The following DOP1A variants were observed in gnomAD, a reference collection of about 807,000 sequenced individuals.
The protein encoded by DOP1A is protein DOP1A.
In DOP1A, 90 loss-of-function variants were observed where a neutral mutation model predicts 267.6. The observed-to-expected ratio is 0.34, with a 90% confidence interval of 0.28 to 0.40. The LOEUF (loss-of-function observed/expected upper bound fraction) is 0.40. Ranked by LOEUF, DOP1A falls within the 10% of genes least tolerant of loss-of-function variation. DOP1A has a pLI of 1.00. For synonymous variants in DOP1A, 932 were observed against 999.1 expected (o/e 0.93, Z 1.27); for missense variants, 2,437 against 2,900.4 (o/e 0.84, Z 3.67).
chr6:83,169,103 A>G, downstream of DOP1A: 1 of 1,457,860 alleles, frequency 6.9e-7, no homozygotes. Context: ...TAAGAAAAAC[A>G]GATCTAGAGA....
intron 24 of DOP1A, among the ~76,000 whole-genome samples, chr6:83,143,459 C>G (rs1348131790): frequency 6.6e-6 from 1 of 152,116 alleles, no homozygotes; most frequent in Non-Finnish European, 1.5e-5. Flanking sequence ...CATAAAGTCT[C>G]TAATGTGATA....
At chr6:83,071,147 T>C (rs974844574) in intron 1 of DOP1A, among the ~76,000 whole-genome samples, 2 of 152,188 alleles carry the variant, frequency 1.3e-5, no homozygotes. Context: ...GGTGTTAACA[T>C]CTTGGCACCA....
intron 26 of DOP1A, among the ~76,000 whole-genome samples, chr6:83,147,934 C>T (rs1171823523): frequency 6.6e-6 from 1 of 152,078 alleles, no homozygotes. Flanking sequence ...GTTCAGTTGA[C>T]AGCCCTCCAT....
chr6:83,132,351 C>T (rs780230475), intron 18 of DOP1A, 23 bp downstream of exon 18: 17 of 1,579,886 alleles, frequency 1.1e-5, no homozygotes, highest in Non-Finnish European at 1.5e-5. Flanking sequence ...ATCTTGTGCA[C>T]ACCGCCCCCT....
At chr6:83,126,631 G>C (rs1010360345) in intron 15 of DOP1A, among the ~76,000 whole-genome samples, 1 of 152,098 alleles carries the variant, frequency 6.6e-6, no homozygotes, top group Admixed American at 6.6e-5. Context: ...CCTGACCTAC[G>C]CTGGGGCTAA....
chr6:83,104,867 G>T (rs904224780), intron 4 of DOP1A, among the ~76,000 whole-genome samples: 2 of 151,758 alleles, frequency 1.3e-5, no homozygotes, highest in African/African-American at 2.4e-5. Context: ...CTTATCAGGA[G>T]TTTATCAATT....
At chr6:83,132,519 AC>A (rs1454595563) in intron 18 of DOP1A, among the ~76,000 whole-genome samples, 191 bp downstream of exon 18, 1 of 152,158 alleles carries the variant, frequency 6.6e-6, no homozygotes, top group East Asian at 1.9e-4. Context: ...AAAGTTCTTT[AC>A]AAAAGCATCA....
chr6:83,159,715 T>C, intron 36 of DOP1A, 81 bp from the exon 37 acceptor site: 1 of 1,478,866 alleles, frequency 6.8e-7, no homozygotes, highest in Non-Finnish European at 9.4e-7. Flanking sequence ...TGAAAAATAT[T>C]AGCTGGTACT....
chr6:83,155,227 C>T (rs1459504205), intron 33 of DOP1A, among the ~76,000 whole-genome samples: 1 of 146,680 alleles, frequency 6.8e-6, no homozygotes, highest in African/African-American at 2.5e-5. Flanking sequence ...TTTGACAGGC[C>T]AAGGCACTAG....
At position 83,140,368 on chromosome 6, in the gene DOP1A, G is replaced by T; in HGVS notation, c.5380G>T (p.Ala1794Ser). ...AGAAAAGATGACTATTGCCGCATCC[G>T]CATCTCTTACCACTATTAATCTTGG... ...SSEKMTIAAS[A>S]SLTTINLGAT... Residue 1794 changes from alanine to serine, a missense_variant, in exon 23 of 39, where the codon GCA becomes TCA. Around this residue, in one of 9 missense-constraint regions of DOP1A, gnomAD observed 307 missense variants for 308.6 expected, o/e 0.99. Coordinates refer to ENST00000349129, the MANE Select transcript of DOP1A (RefSeq NM_015018.4). The T allele has an allele frequency of 3.1e-6, 5 of 1,611,484 alleles. No individual in the cohort carries two copies. Among genetic ancestry groups the T allele is most frequent in the Non-Finnish European group, 4.2e-6 (5 of 1,179,412 alleles).
At chr6:83,157,381 T>C in intron 35 of DOP1A, 63 bp downstream of exon 35, 1 of 1,531,308 alleles carries the variant, frequency 6.5e-7, no homozygotes, top group East Asian at 2.3e-5. Flanking sequence ...TTAGTTTCCA[T>C]GTGCTTACTA....
At position 83,135,632 on chromosome 6, in the gene DOP1A, A is replaced by G. The variant is rs1205498874; in HGVS notation, c.2884A>G (p.Met962Val). ...VRSFDRSLFI[M>V]LDSLNSLDGS... ...TGTTTATTTTAGGTCACTGTTCATC[A>G]TGTTAGATAGCCTTAACAGTCTCGA... Residue 962 changes from methionine (M) to valine (V), a missense_variant, in exon 20 of 39, where the codon ATG becomes GTG. Around this residue, in one of 9 missense-constraint regions of DOP1A, gnomAD observed 878 missense variants for 992.9 expected, o/e 0.88. Coordinates refer to ENST00000349129, the MANE Select transcript of DOP1A (RefSeq NM_015018.4). 1 of 1,613,102 alleles carries G rather than the reference A, an allele frequency of 6.2e-7. No homozygotes were observed. Among genetic ancestry groups the G allele is most frequent in the Admixed American group, 1.7e-5 (1 of 59,966 alleles).
intron 24 of DOP1A, among the ~76,000 whole-genome samples, chr6:83,144,302 A>G (rs1780120726): frequency 1.3e-5 from 2 of 152,276 alleles, no homozygotes; most frequent in South Asian, 4.1e-4. Flanking sequence ...CTGTGTAGCA[A>G]ACCTAGAGAG....
chr6:83,088,419 CTTTTT>C (rs746293399), intron 1 of DOP1A, among the ~76,000 whole-genome samples: 3 of 115,582 alleles, frequency 2.6e-5, no homozygotes, highest in African/African-American at 7.0e-5. Context: ...TGTCTTCCAT[CTTTTT>C]TTTTTTTTTT....
At chr6:83,148,209 C>G (rs1780925137) in intron 26 of DOP1A, among the ~76,000 whole-genome samples, 1 of 151,854 alleles carries the variant, frequency 6.6e-6, no homozygotes. Context: ...CTCAGGAGAT[C>G]AAGACCATAC....
chr6:83,098,855 C>A (rs1174861277), intron 3 of DOP1A, among the ~76,000 whole-genome samples: 1 of 152,120 alleles, frequency 6.6e-6, no homozygotes, highest in African/African-American at 2.4e-5. Context: ...TACTAACAGA[C>A]TAAGTGGGGG....
chr6:83,144,173 G>A (rs777351575), intron 24 of DOP1A, among the ~76,000 whole-genome samples: 2 of 152,112 alleles, frequency 1.3e-5, no homozygotes, highest in Admixed American at 6.6e-5. Context: ...TAACTCCACC[G>A]GAGGAGGAAT....
chr6:83,093,821 G>C (rs771794165), intron 1 of DOP1A, among the ~76,000 whole-genome samples: 26 of 152,310 alleles, frequency 1.7e-4, no homozygotes, highest in Non-Finnish European at 3.7e-4. Flanking sequence ...CAGGAGAATC[G>C]CTTGAGCCCA....
rs538752559 is a variant in DOP1A at position 83,129,360 on chromosome 6, G to T, written c.2193G>T (p.Glu731Asp). 3.8e-5 allele frequency: 61 copies of T among 1,610,570 alleles called. No homozygotes were observed. The South Asian group carries it at 6.2e-4, about 16-fold the overall frequency. Residue 731 changes from glutamate to aspartate, a missense_variant, in exon 16 of 39, where the codon GAG becomes GAT. Glu to Asp is a conservative substitution (Grantham distance 45, BLOSUM62 2). This residue lies in a region of DOP1A where 498 missense variants were observed against 513.5 expected (regional missense o/e 0.97). Coordinates refer to ENST00000349129, the MANE Select transcript of DOP1A (RefSeq NM_015018.4). ...GAAATTCACAAGGAGATGTAAAAGA[G>T]AAAAACATAAGTAAACAAAAAACTT... ...WDRNSQGDVK[E>D]KNISKQKTSK...
Sources: allele counts gnomAD v4.1 joint callset (sites outside exome capture counted in the v4.1 genomes callset), GRCh38; gene constraint gnomAD v4.1.1; regional missense constraint gnomAD v4.1.1; transcripts MANE v1.5; gene names NCBI Gene and HGNC (gene_info 2026-07-23, HGNC 2026-07-21).